The following TTC34 variants were observed in gnomAD, a reference collection of about 807,000 sequenced individuals.
TTC34 encodes tetratricopeptide repeat domain 34, also known as tetratricopeptide repeat protein 34.
In TTC34, 44 loss-of-function variants were observed where a neutral mutation model predicts 40.7. The observed-to-expected ratio is 1.08, with a 90% confidence interval of 0.85 to 1.39. The LOEUF (loss-of-function observed/expected upper bound fraction) is 1.39, where lower values mean the gene tolerates loss of function less well. Among genes scored for constraint, TTC34 ranks in the 40% most tolerant of loss-of-function variants. TTC34 has a pLI of 0.00. For synonymous variants in TTC34, 422 were observed against 398.6 expected (o/e 1.06, Z -0.70); for missense variants, 884 against 838.0 (o/e 1.05, Z -0.68).
chr1:2,655,063 A>T (rs1288795888), intron 6 of TTC34, among the ~76,000 whole-genome samples: 135 of 145,238 alleles, frequency 9.3e-4, no homozygotes, highest in African/African-American at 2.8e-3. Flanking sequence ...CCCCCAAGTG[A>T]GCACCTGACA....
At chr1:2,790,018 G>T (rs1569969986) in exon 3 of TTC34, 1 of 395,488 alleles carries the variant, frequency 2.5e-6, no homozygotes, top group Non-Finnish European at 4.5e-6. Flanking sequence ...CTCCCAGCGC[G>T]GGTCGCGCCC....
intron 2 of TTC34, 141 bp downstream of exon 2, chr1:2,799,903 G>A (rs1336580014): frequency 2.5e-6 from 1 of 397,836 alleles, no homozygotes. Flanking sequence ...CTCCAAAGGG[G>A]CAGGGCCTGA....
At chr1:2,677,734 C>A (rs1049794035) in intron 6 of TTC34, among the ~76,000 whole-genome samples, 8 of 144,958 alleles carry the variant, frequency 5.5e-5, no homozygotes, top group Admixed American at 2.7e-4. Context: ...CCCTGCACCC[C>A]CAGGTGAGCA....
intron 6 of TTC34, chr1:2,775,124 G>T (rs1642980224): frequency 7.3e-6 from 1 of 136,438 alleles, no homozygotes; most frequent in African/African-American, 2.9e-5. Flanking sequence ...GTGAGGATCT[G>T]ACAGCCTGGA....
intron 6 of TTC34, among the ~76,000 whole-genome samples, chr1:2,768,266 C>A (rs1382313709): frequency 6.6e-6 from 1 of 151,990 alleles, no homozygotes; most frequent in Non-Finnish European, 1.5e-5. Flanking sequence ...CAGATCCTCA[C>A]CTGGGGATGG....
At chr1:2,779,270 T>C (rs1643437057) in intron 6 of TTC34, among the ~76,000 whole-genome samples, 1 of 152,324 alleles carries the variant, frequency 6.6e-6, no homozygotes, top group South Asian at 2.1e-4. Context: ...TACTTCCATT[T>C]ATTTTGGATG....
At chr1:2,788,488 C>G (rs577806470) in intron 3 of TTC34, among the ~76,000 whole-genome samples, 3 of 152,126 alleles carry the variant, frequency 2.0e-5, no homozygotes, top group African/African-American at 7.2e-5. Context: ...CTCCAAGAAC[C>G]GCCCCCACCC....
chr1:2,675,596 CCCACAACCCCAGGCGAGCATCGGACAG>C (rs1639881830), intron 6 of TTC34, among the ~76,000 whole-genome samples: 1 of 133,712 alleles, frequency 7.5e-6, no homozygotes, highest in Non-Finnish European at 1.6e-5. Flanking sequence ...TGGAACGGCA[CCCACAACCCCAGGCGAGCATCGGACAG>C]CCTGGAGCAG....
chr1:2,681,820 G>C (rs796308734), intron 6 of TTC34, among the ~76,000 whole-genome samples: 84 of 37,984 alleles, frequency 2.2e-3, no homozygotes, highest in Non-Finnish European at 3.0e-3. Flanking sequence ...CGGCAACACC[G>C]ACACCCACAG....
In TTC34 at chr1:2,771,491, C is replaced by G. The variant is rs992196454; in HGVS notation, c.2226+12118G>C. Among the ~76,000 whole-genome samples, 4 of 69,194 alleles carry G rather than the reference C, an allele frequency of 5.8e-5. 1 individual carries two copies. The highest frequency in any genetic ancestry group is 3.2e-4 in the African/African-American group (3 of 9,304). 45.4% of individuals were successfully genotyped at this position (69,194 alleles called of 152,430 possible). On this transcript the variant is annotated intron_variant, in intron 6 of 8. Transcript: ENST00000401095. ...CTGGAACAGCATCCACACCCCCAGG[C>G]GAGCATCTGACAGCCTGGAGTAGCA...
chr1:2,779,696 A>G (rs904693032), intron 6 of TTC34, among the ~76,000 whole-genome samples: 1 of 151,952 alleles, frequency 6.6e-6, no homozygotes, highest in African/African-American at 2.4e-5. Flanking sequence ...TTACCTTCCC[A>G]CCAATAGTGC....
chr1:2,698,354 CAGCACCCACACCCACAGGCGAGCA>C (rs1640964965), intron 6 of TTC34, among the ~76,000 whole-genome samples: 40 of 55,946 alleles, frequency 7.1e-4, no homozygotes, highest in East Asian at 1.8e-3. Flanking sequence ...CGTCCTGGAA[CAGCACCCACACCCACAGGCGAGCA>C]TCGGACAGCC....
intron 6 of TTC34, among the ~76,000 whole-genome samples, chr1:2,684,897 G>A (rs1321578322): frequency 1.8e-5 from 2 of 110,930 alleles, no homozygotes; most frequent in Non-Finnish European, 3.5e-5. Flanking sequence ...GCATCTGACA[G>A]CCTGGAACAG....
intron 6 of TTC34, among the ~76,000 whole-genome samples, chr1:2,657,426 G>C (rs573857970): frequency 3.4e-5 from 3 of 88,272 alleles, no homozygotes; most frequent in South Asian, 3.3e-4. Flanking sequence ...AGTACCCCCA[G>C]GCGAGCATCT....
intron 6 of TTC34, among the ~76,000 whole-genome samples, chr1:2,750,707 G>T (rs1346476643): frequency 1.8e-5 from 1 of 55,372 alleles, no homozygotes; most frequent in African/African-American, 8.2e-5. Context: ...GCATCCGACA[G>T]CCTGGAGCAG....
chr1:2,688,151 T>C (rs1326166857), intron 6 of TTC34, among the ~76,000 whole-genome samples: 364 of 133,508 alleles, frequency 2.7e-3, no homozygotes, highest in Admixed American at 4.4e-3. Context: ...TCTGACGGCC[T>C]GGAAGGGCAC....
At chr1:2,687,476 G>T (rs1322422342) in intron 6 of TTC34, among the ~76,000 whole-genome samples, 1 of 147,486 alleles carries the variant, frequency 6.8e-6, no homozygotes, top group Admixed American at 6.6e-5. Flanking sequence ...GCCTGGAACA[G>T]CACCCACACA....
chr1:2,785,690 C>T (rs1643575811), intron 5 of TTC34, 129 bp downstream of exon 5: 8 of 1,061,698 alleles, frequency 7.5e-6, no homozygotes, highest in Non-Finnish European at 1.0e-5. Flanking sequence ...CTGTCCAACC[C>T]GTGGGTGTTC....
At chr1:2,654,895 C>T (rs1639287389) in intron 6 of TTC34, among the ~76,000 whole-genome samples, 1 of 151,916 alleles carries the variant, frequency 6.6e-6, no homozygotes, top group African/African-American at 2.4e-5. Flanking sequence ...CACCCACACT[C>T]CAGGTGAGCA....
Sources: gnomAD v4.1 joint callset for allele counts (sites outside exome capture counted in the v4.1 genomes callset) on GRCh38, gnomAD v4.1.1 for gene constraint, MANE v1.5 for transcripts, NCBI Gene and HGNC (gene_info 2026-07-23, HGNC 2026-07-21) for gene names.